Variants in KL observed in about 807,000 individuals in gnomAD.
KL encodes the protein klotho, also known as alpha-klotho.
Under a neutral mutation model 84.2 loss-of-function variants are expected in KL, and 62 were observed. That is an observed-to-expected ratio of 0.74 (90% CI 0.60 to 0.91). The LOEUF is 0.91. KL is among the 40% of genes least tolerant of loss of function. The probability of loss-of-function intolerance (pLI) is 0.00; values close to 1 mark genes in which losing one functional copy is unlikely to be tolerated. For missense variants in KL, 1,261 were observed against 1,305.7 expected, an observed-to-expected ratio of 0.97 and a Z score of 0.53; for synonymous variants, 528 against 528.0, an observed-to-expected ratio of 1.00 and a Z score of 0.00.
chr13:33,022,733 T>G (rs910920642), intron 1 of KL, among the ~76,000 whole-genome samples: 5 of 152,216 alleles, frequency 3.3e-5, no homozygotes, highest in Non-Finnish European at 7.3e-5. Flanking sequence ...GTGGCTCTCT[T>G]AAGAGCACAG....
chr13:33,038,356 C>T (rs1871217025), intron 1 of KL, among the ~76,000 whole-genome samples: 1 of 152,194 alleles, frequency 6.6e-6, no homozygotes, highest in Non-Finnish European at 1.5e-5. Flanking sequence ...CATGCTTAGA[C>T]ACTCCATTGC....
intron 2 of KL, 144 bp from the exon 3 acceptor site, chr13:33,054,903 C>T (rs963744044): frequency 7.8e-5 from 83 of 1,060,246 alleles, no homozygotes; most frequent in South Asian, 4.2e-5. Context: ...TAGAGTCTTT[C>T]GTCAAGAAGA....
intron 1 of KL, among the ~76,000 whole-genome samples, chr13:33,032,423 T>G (rs1388817112): frequency 6.6e-6 from 1 of 152,184 alleles, no homozygotes; most frequent in Non-Finnish European, 1.5e-5. Context: ...GCAAGACGGC[T>G]CACACATGTG....
At chr13:33,043,205 C>T (rs1593800301) in intron 1 of KL, among the ~76,000 whole-genome samples, 1 of 151,596 alleles carries the variant, frequency 6.6e-6, no homozygotes. Flanking sequence ...TGTTTTACGT[C>T]CTTGCCAGAA....
At position 33,054,219 on chromosome 13, in the gene KL, G is replaced by T; in HGVS notation, c.1272G>T (p.Lys424Asn). The T allele has an allele frequency of 6.2e-7, 1 of 1,613,652 alleles. No individual in the cohort carries two copies. Residue 424 changes from lysine to asparagine, a missense_variant, in exon 2 of 5, where the codon AAG becomes AAT. Lys to Asn is a moderately conservative substitution (Grantham distance 94). Coordinates refer to ENST00000380099, the MANE Select transcript of KL (RefSeq NM_004795.4). ...ENGWFVSGTT[K>N]RDDAKYMYYL... is the part of the protein sequence containing the mutation. ...GCTGGTTTGTCTCAGGGACCACCAA[G>T]AGAGATGATGCCAAATATATGTATT... is the stretch of plus-strand genomic sequence containing the variant.
Position 33,053,839 on chromosome 13 carries a change from C to A in KL, c.892C>A (p.Leu298Ile). 6.2e-7 allele frequency: 1 copy of A among 1,614,080 alleles called. No homozygotes were observed. ...PTQGGQVSIA[L>I]SSHWINPRRM... ...TCAGGGAGGTCAGGTGTCCATTGCC[C>A]TAAGCTCTCACTGGATCAATCCTCG... The change falls in exon 2 of 5, where the codon CTA becomes ATA. Residue 298 changes from leucine (L) to isoleucine (I), a missense_variant. Transcript: ENST00000380099.
At chr13:33,048,926 C>T (rs551365143) in intron 1 of KL, among the ~76,000 whole-genome samples, 9 of 152,272 alleles carry the variant, frequency 5.9e-5, no homozygotes, top group African/African-American at 1.9e-4. Context: ...AAATTATTTT[C>T]CTCGACTTCC....
chr13:33,042,302 A>T (rs1871366758), intron 1 of KL, among the ~76,000 whole-genome samples: 1 of 152,184 alleles, frequency 6.6e-6, no homozygotes, highest in African/African-American at 2.4e-5. Context: ...ATACACCTGT[A>T]TGTGTATGGA....
At chr13:33,024,836 C>T (rs1315239056) in intron 1 of KL, among the ~76,000 whole-genome samples, 4 of 152,194 alleles carry the variant, frequency 2.6e-5, no homozygotes, top group East Asian at 1.9e-4. Flanking sequence ...GTGGTAGGGG[C>T]GTCTCACTCC....
intron 1 of KL, among the ~76,000 whole-genome samples, chr13:33,048,630 A>G (rs1375625882): frequency 6.6e-6 from 1 of 152,170 alleles, no homozygotes; most frequent in Non-Finnish European, 1.5e-5. Flanking sequence ...CAGAGTCCTC[A>G]TCATTGCTTT....
chr13:33,055,185 CA>C lies in KL; in HGVS notation c.1472del (p.Lys491SerfsTer10). The C allele has an allele frequency of 6.2e-7, 1 of 1,614,212 alleles. No individual in the cohort carries two copies. The highest frequency in any genetic ancestry group is 8.5e-7 in the Non-Finnish European group (1 of 1,180,042). On this transcript the variant is annotated frameshift_variant, in exon 3 of 5. Transcript: ENST00000380099. LOFTEE classifies it high-confidence loss of function. ...DFLSQDKMLL[P>X]KSSALFYQKL... is the part of the protein sequence containing the mutation. The stretch of plus-strand genomic sequence containing the variant: ...CTAAGCCAGGACAAGATGTTGTTGC[CA>C]AAGTCTTCAGCCTTGTTCTACCAAA...
intron 1 of KL, among the ~76,000 whole-genome samples, chr13:33,029,622 G>A (rs1029364517): frequency 6.6e-6 from 1 of 152,000 alleles, no homozygotes; most frequent in African/African-American, 2.4e-5. Flanking sequence ...CTGAGACTAG[G>A]TTATTTATTT....
At chr13:33,063,494 C>T (rs1029495022) in intron 4 of KL, among the ~76,000 whole-genome samples, 5 of 152,012 alleles carry the variant, frequency 3.3e-5, no homozygotes, top group Admixed American at 6.5e-5. Context: ...TAAAAGTGGC[C>T]GGGCGTGGTG....
Position 33,054,064 on chromosome 13 carries a change from C to T in KL, c.1117C>T (p.Pro373Ser), listed in dbSNP as rs374442777. The stretch of plus-strand genomic sequence containing the variant: ...TGACTTTTTTGCTCTTTGCTTTGGA[C>T]CCACCTTGAGTTTTCAACTTTTGGA... Reference protein sequence around the residue: ...TADFFALCFGPTLSFQLLDPH... With the variant: ...TADFFALCFGSTLSFQLLDPH... Residue 373 changes from proline (P) to serine (S), a missense_variant, in exon 2 of 5, where the codon CCC becomes TCC. Physicochemically the swap from Pro to Ser is moderately conservative, Grantham distance 74 (BLOSUM62 -1). Coordinates refer to ENST00000380099, the MANE Select transcript of KL (RefSeq NM_004795.4). 3 of 1,613,478 alleles carry T rather than the reference C, an allele frequency of 1.9e-6. No individual in the cohort carries two copies. The highest frequency in any genetic ancestry group is 1.3e-5 in the African/African-American group (1 of 74,776).
chr13:33,049,150 CCTT>C (rs879459219), intron 1 of KL, among the ~76,000 whole-genome samples: 2 of 152,082 alleles, frequency 1.3e-5, no homozygotes, highest in Admixed American at 1.3e-4. Context: ...ATATAAAATT[CCTT>C]CTAATTTATT....
Position 33,048,874 on chromosome 13 carries a change from C to T in KL, c.820-4893C>T, listed in dbSNP as rs184828879. Among the ~76,000 whole-genome samples the T allele has an allele frequency of 1.0e-3, 152 of 152,292 alleles. 1 individual carries two copies. The highest frequency in any genetic ancestry group is 1.5e-3 in the Non-Finnish European group (99 of 68,038). On this transcript the variant is annotated intron_variant, in intron 1 of 4. Transcript: ENST00000380099. ...TATAATTTAGCCAAAGAGAAAATGT[C>T]TATATGTTCTGTGGAATTCAGAGTA...
chr13:33,034,755 T>C (rs2138206008), intron 1 of KL, among the ~76,000 whole-genome samples: 1 of 152,328 alleles, frequency 6.6e-6, no homozygotes, highest in African/African-American at 2.4e-5. Flanking sequence ...CCCAAAGTGC[T>C]AGAATCATGC....
At chr13:33,047,478 G>A (rs1374924296) in intron 1 of KL, among the ~76,000 whole-genome samples, 3 of 151,730 alleles carry the variant, frequency 2.0e-5, no homozygotes, top group South Asian at 2.1e-4. Flanking sequence ...TCAGCCTCCC[G>A]AGTAGCTGGG....
intron 3 of KL, among the ~76,000 whole-genome samples, chr13:33,058,427 G>A (rs574927109): frequency 2.0e-5 from 3 of 149,992 alleles, no homozygotes; most frequent in South Asian, 2.1e-4. Flanking sequence ...TGCAAGCTCC[G>A]CCTCCTAAGG....
Sources: allele counts gnomAD v4.1 joint callset (sites outside exome capture counted in the v4.1 genomes callset), GRCh38; gene constraint gnomAD v4.1.1; transcripts MANE v1.5; gene names NCBI Gene and HGNC (gene_info 2026-07-23, HGNC 2026-07-21).